DLG2: variants seen among roughly 807,000 people sequenced by gnomAD.
The protein encoded by DLG2 is disks large homolog 2.
In DLG2, 45 loss-of-function variants were observed where a neutral mutation model predicts 132.5. The ratio of observed to expected loss-of-function variants is 0.34; its 90% CI spans 0.27 to 0.44. The LOEUF is 0.44. Among genes scored for constraint, DLG2 ranks in the 20% least tolerant of loss-of-function variants. The pLI, the probability that DLG2 is intolerant of heterozygous loss-of-function variation, is 1.00. For missense variants in DLG2, 1,045 were observed against 1,196.9 expected (o/e 0.87, Z 1.87); for synonymous variants, 424 against 419.6 (o/e 1.01, Z -0.13).
At chr11:84,622,729 G>T (rs143243027) in intron 6 of DLG2, among the ~76,000 whole-genome samples, 1 of 152,062 alleles carries the variant, frequency 6.6e-6, no homozygotes, top group Non-Finnish European at 1.5e-5. Flanking sequence ...CATTAGACAT[G>T]GTCAAAGAAT....
intron 9 of DLG2, among the ~76,000 whole-genome samples, chr11:84,159,285 A>T (rs2095495442): frequency 6.6e-6 from 1 of 152,216 alleles, no homozygotes; most frequent in Non-Finnish European, 1.5e-5. Flanking sequence ...TAAATAATAT[A>T]CATTTCAGAT....
chr11:83,657,705 ATT>A (rs903080686), intron 18 of DLG2, among the ~76,000 whole-genome samples: 2 of 151,024 alleles, frequency 1.3e-5, no homozygotes, highest in Admixed American at 6.6e-5. Context: ...TGCCTGGCTA[ATT>A]TTTTTTGTAT....
At chr11:85,200,571 A>C (rs1262542358) in intron 4 of DLG2, among the ~76,000 whole-genome samples, 1 of 152,120 alleles carries the variant, frequency 6.6e-6, no homozygotes, top group East Asian at 1.9e-4. Flanking sequence ...CCATCTATGC[A>C]GGGACTTGCT....
chr11:84,246,504 A>C (rs527847489), intron 8 of DLG2, among the ~76,000 whole-genome samples: 1 of 152,338 alleles, frequency 6.6e-6, no homozygotes, highest in East Asian at 1.9e-4. Context: ...GAGAAGCCCT[A>C]AAGTGTTTCC....
intron 6 of DLG2, among the ~76,000 whole-genome samples, chr11:85,051,484 C>T (rs2062883071): frequency 6.6e-6 from 1 of 152,050 alleles, no homozygotes; most frequent in Admixed American, 6.6e-5. Flanking sequence ...TCAGGTTTAA[C>T]TACGTGCCAA....
chr11:83,698,954 C>A (rs1191971773), intron 18 of DLG2, among the ~76,000 whole-genome samples: 1 of 152,162 alleles, frequency 6.6e-6, no homozygotes, highest in Non-Finnish European at 1.5e-5. Flanking sequence ...CAAGAGAGAG[C>A]TGCATCTTTG....
At chr11:85,146,252 C>G (rs2076848306) in intron 5 of DLG2, among the ~76,000 whole-genome samples, 1 of 151,742 alleles carries the variant, frequency 6.6e-6, no homozygotes, top group South Asian at 2.1e-4. Context: ...CTCTCTCTCT[C>G]TCTCTCTCTC....
intron 7 of DLG2, among the ~76,000 whole-genome samples, chr11:84,276,427 C>T (rs1243962009): frequency 6.6e-6 from 1 of 152,170 alleles, no homozygotes; most frequent in East Asian, 1.9e-4. Flanking sequence ...AAATATTTAA[C>T]TTAGTTCAAT....
At chr11:84,687,483 C>T (rs1037305828) in intron 6 of DLG2, among the ~76,000 whole-genome samples, 1 of 152,108 alleles carries the variant, frequency 6.6e-6, no homozygotes, top group Non-Finnish European at 1.5e-5. Flanking sequence ...TTTTCTAATT[C>T]CTCCATGGGT....
chr11:83,499,852 G>GATAGAT, intron 21 of DLG2, among the ~76,000 whole-genome samples: 1 of 61,646 alleles, frequency 1.6e-5, no homozygotes, highest in East Asian at 8.7e-4. Context: ...ACTAATAGGA[G>GATAGAT]ATATATATAT....
chr11:85,264,532 T>C (rs1161253066), intron 4 of DLG2, among the ~76,000 whole-genome samples: 4 of 152,204 alleles, frequency 2.6e-5, no homozygotes, highest in African/African-American at 9.6e-5. Context: ...ACATTTTTGA[T>C]TGAAAATGGT....
chr11:84,992,700 G>C (rs948714410), intron 6 of DLG2, among the ~76,000 whole-genome samples: 1 of 152,146 alleles, frequency 6.6e-6, no homozygotes, highest in Non-Finnish European at 1.5e-5. Flanking sequence ...CTTCTTTTGA[G>C]AAGTGTCTGT....
At chr11:84,307,001 G>T (rs1036941364) in intron 7 of DLG2, among the ~76,000 whole-genome samples, 22 of 152,242 alleles carry the variant, frequency 1.4e-4, no homozygotes, top group Non-Finnish European at 2.4e-4. Flanking sequence ...GTATATACCC[G>T]AAGGAATATA....
chr11:84,697,775 G>A (rs1350321959), intron 6 of DLG2, among the ~76,000 whole-genome samples: 1 of 151,354 alleles, frequency 6.6e-6, no homozygotes, highest in Non-Finnish European at 1.5e-5. Flanking sequence ...GTACGTCATT[G>A]ACAGGTTTTC....
chr11:84,360,195 G>C (rs1380480198), intron 7 of DLG2, among the ~76,000 whole-genome samples: 1 of 151,712 alleles, frequency 6.6e-6, no homozygotes, highest in African/African-American at 2.4e-5. Context: ...ATGCCTTATA[G>C]CCACATTATC....
chr11:85,372,235 G>T (rs777624677), intron 3 of DLG2, among the ~76,000 whole-genome samples: 5 of 152,166 alleles, frequency 3.3e-5, no homozygotes, highest in Non-Finnish European at 7.3e-5. Flanking sequence ...CCATCACTTG[G>T]AAGTTTCCTT....
chr11:85,288,495 G>A (rs888265094), intron 3 of DLG2, among the ~76,000 whole-genome samples: 7 of 151,858 alleles, frequency 4.6e-5, no homozygotes, highest in African/African-American at 1.5e-4. Flanking sequence ...CTTGCCTCAC[G>A]TATTAATGGA....
chr11:83,965,369 T>A lies in DLG2; in HGVS notation c.1156A>T (p.Thr386Ser). ...CCATAAGGATCAGTCATATAAATGG[T>A]AGTGGGTTTGCCAACTTTTAAATAA... ...VVYLKVGKPT[T>S]IYMTDPYGPP... Residue 386 changes from threonine (T) to serine (S), a missense_variant, in exon 13 of 28, where the codon ACC (threonine) becomes TCC (serine). This residue lies in a region of DLG2 where 261 missense variants were observed against 256.1 expected (regional missense o/e 1.02). Coordinates refer to ENST00000376104, the MANE Select transcript of DLG2 (RefSeq NM_001142699.3). The A allele has an allele frequency of 6.2e-7, 1 of 1,612,514 alleles. No individual in the cohort carries two copies. The highest frequency in any genetic ancestry group is 2.2e-5 in the East Asian group (1 of 44,826).
chr11:83,743,095 G>A (rs926113433), intron 18 of DLG2, among the ~76,000 whole-genome samples: 6 of 152,066 alleles, frequency 3.9e-5, no homozygotes, highest in Non-Finnish European at 7.4e-5. Flanking sequence ...CCAAGACTAG[G>A]GTAATCTTCT....
Sources: gnomAD v4.1 joint callset for allele counts (sites outside exome capture counted in the v4.1 genomes callset) on GRCh38, gnomAD v4.1.1 for gene constraint, gnomAD v4.1.1 regional missense constraint, MANE v1.5 for transcripts, NCBI Gene and HGNC (gene_info 2026-07-23, HGNC 2026-07-21) for gene names.